Variants in PPHLN1 observed in about 807,000 individuals in gnomAD.
PPHLN1 encodes periphilin-1.
In PPHLN1, 29 loss-of-function variants were observed where a neutral mutation model predicts 51.3. The ratio of observed to expected loss-of-function variants is 0.57; its 90% CI spans 0.42 to 0.77. PPHLN1 has a LOEUF of 0.77. Among genes scored for constraint, PPHLN1 ranks in the 30% least tolerant of loss-of-function variants. The probability of loss-of-function intolerance (pLI) is 0.00; values close to 1 mark genes in which losing one functional copy is unlikely to be tolerated. For synonymous variants in PPHLN1, 147 were observed against 147.8 expected, an observed-to-expected ratio of 0.99 and a Z score of 0.04; for missense variants, 436 against 438.4, an observed-to-expected ratio of 0.99 and a Z score of 0.05.
chr12:42,440,033 C>A (rs992574951), intron 9 of PPHLN1, among the ~76,000 whole-genome samples: 4 of 151,212 alleles, frequency 2.6e-5, no homozygotes, highest in African/African-American at 9.7e-5. Context: ...ACAGTATTGA[C>A]TCTTCCTGTC....
chr12:42,448,458 A>C (rs977194688), downstream of PPHLN1: 5 of 152,134 alleles, frequency 3.3e-5, no homozygotes, highest in African/African-American at 1.2e-4. Context: ...TTGATTAAAA[A>C]GACTTGTTTG....
At chr12:42,329,279 G>A (rs1010399085) in intron 1 of PPHLN1, among the ~76,000 whole-genome samples, 29 of 151,686 alleles carry the variant, frequency 1.9e-4, no homozygotes, top group African/African-American at 6.8e-4. Context: ...TTTTGTTTTT[G>A]TATTTTTAGT....
At chr12:42,417,490 A>G (rs889230135) in intron 9 of PPHLN1, among the ~76,000 whole-genome samples, 1 of 151,886 alleles carries the variant, frequency 6.6e-6, no homozygotes, top group African/African-American at 2.4e-5. Flanking sequence ...AATACCCCAT[A>G]TGTTACATGT....
At chr12:42,330,407 T>G (rs2069528340) in intron 1 of PPHLN1, among the ~76,000 whole-genome samples, 1 of 152,202 alleles carries the variant, frequency 6.6e-6, no homozygotes, top group Non-Finnish European at 1.5e-5. Flanking sequence ...CGAGGCCATA[T>G]CTCAGGCTGT....
intron 9 of PPHLN1, among the ~76,000 whole-genome samples, chr12:42,429,619 A>ATG (rs973331942): frequency 6.6e-6 from 1 of 152,138 alleles, no homozygotes; most frequent in Non-Finnish European, 1.5e-5. Flanking sequence ...GTTATTTTTA[A>ATG]TGTGTTGGTC....
intron 8 of PPHLN1, among the ~76,000 whole-genome samples, chr12:42,394,554 T>C (rs1267129109): frequency 2.0e-5 from 3 of 152,158 alleles, no homozygotes; most frequent in African/African-American, 7.2e-5. Context: ...AAGTAACTAA[T>C]GTACACTGCT....
chr12:42,353,052 G>C (rs182520626), intron 3 of PPHLN1, among the ~76,000 whole-genome samples: 32 of 151,750 alleles, frequency 2.1e-4, no homozygotes, highest in Admixed American at 1.6e-3. Context: ...TCGCGCCACT[G>C]CACTCCAGCC....
chr12:42,407,469 C>T (rs1328087716), intron 9 of PPHLN1, among the ~76,000 whole-genome samples: 1 of 152,196 alleles, frequency 6.6e-6, no homozygotes, highest in African/African-American at 2.4e-5. Flanking sequence ...CACCTTAATG[C>T]TTTCATTGGT....
At chr12:42,446,826 C>G, downstream of PPHLN1, 2 of 507,682 alleles carry the variant, frequency 3.9e-6, no homozygotes, top group South Asian at 5.1e-5. Context: ...AATTCTCTTA[C>G]CCTGAGGCTG....
At chr12:42,386,695 G>T (rs1394397026) in intron 6 of PPHLN1, among the ~76,000 whole-genome samples, 1 of 152,094 alleles carries the variant, frequency 6.6e-6, no homozygotes, top group Non-Finnish European at 1.5e-5. Context: ...TTAATGAAAT[G>T]TTTTTCTGTA....
intron 2 of PPHLN1, chr12:42,351,535 T>C (rs1248104281): frequency 1.3e-5 from 2 of 158,876 alleles, no homozygotes; most frequent in African/African-American, 4.8e-5. Flanking sequence ...TCTTACATAA[T>C]TTTATTTCTA....
intron 9 of PPHLN1, among the ~76,000 whole-genome samples, chr12:42,430,566 G>A (rs2081954923): frequency 6.6e-6 from 1 of 151,742 alleles, no homozygotes; most frequent in Non-Finnish European, 1.5e-5. Context: ...GTGTGATCTT[G>A]GCTCACTGCA....
intron 9 of PPHLN1, among the ~76,000 whole-genome samples, chr12:42,423,240 T>C (rs551736649): frequency 1.1e-4 from 17 of 152,322 alleles, no homozygotes; most frequent in African/African-American, 3.8e-4. Flanking sequence ...AGACAGATCT[T>C]GAAAATATGG....
chr12:42,442,957 C>T (rs902693087), downstream of PPHLN1: 30 of 617,724 alleles, frequency 4.9e-5, no homozygotes, highest in Non-Finnish European at 6.7e-5. Context: ...GAAGAAGGCA[C>T]GCTGGACCTA....
chr12:42,339,585 C>T (rs148572364), intron 2 of PPHLN1, among the ~76,000 whole-genome samples: 28 of 152,248 alleles, frequency 1.8e-4, no homozygotes, highest in African/African-American at 6.7e-4. Flanking sequence ...GATCCCTTCT[C>T]AGAATAACAT....
chr12:42,388,794 T>C (rs746080357), intron 7 of PPHLN1, among the ~76,000 whole-genome samples: 4 of 152,182 alleles, frequency 2.6e-5, no homozygotes, highest in Non-Finnish European at 4.4e-5. Context: ...AATTAAAAAT[T>C]AGCCAGATGT....
At chr12:42,395,054 G>A (rs1482056030) in intron 8 of PPHLN1, among the ~76,000 whole-genome samples, 1 of 152,006 alleles carries the variant, frequency 6.6e-6, no homozygotes, top group East Asian at 1.9e-4. Context: ...TTTTATAAAA[G>A]CTCACTACTG....
At chr12:42,403,576 T>A (rs182935811) in intron 9 of PPHLN1, among the ~76,000 whole-genome samples, 3 of 152,344 alleles carry the variant, frequency 2.0e-5, no homozygotes, top group Admixed American at 2.0e-4. Flanking sequence ...ATTTTGTACC[T>A]GATATCTCTT....
At chr12:42,342,042 C>T (rs1382911032) in intron 2 of PPHLN1, among the ~76,000 whole-genome samples, 3 of 152,130 alleles carry the variant, frequency 2.0e-5, no homozygotes, top group Non-Finnish European at 4.4e-5. Flanking sequence ...AAGTGCACTA[C>T]AGAGATTTTG....
Sources: gnomAD v4.1 joint callset for allele counts (sites outside exome capture counted in the v4.1 genomes callset) on GRCh38, gnomAD v4.1.1 for gene constraint, MANE v1.5 for transcripts, NCBI Gene and HGNC (gene_info 2026-07-23, HGNC 2026-07-21) for gene names.